TMPRSS15: variants seen among roughly 807,000 people sequenced by gnomAD.
The protein encoded by TMPRSS15 is enteropeptidase.
In TMPRSS15, 128 loss-of-function variants were observed where a neutral mutation model predicts 125.3. The observed-to-expected ratio is 1.02, with a 90% CI of 0.89 to 1.18. The LOEUF (loss-of-function observed/expected upper bound fraction) is 1.18. Ranked by LOEUF, TMPRSS15 falls within the 50% of genes most tolerant of loss-of-function variation. The pLI is 0.00. For missense variants in TMPRSS15, 1,283 were observed against 1,212.7 expected, an observed-to-expected ratio of 1.06 and a Z score of -0.86; for synonymous variants, 446 against 423.2, an observed-to-expected ratio of 1.05 and a Z score of -0.66.
chr21:18,453,165 T>C (rs1978374677), intron 1 of TMPRSS15, among the ~76,000 whole-genome samples: 1 of 152,236 alleles, frequency 6.6e-6, no homozygotes, highest in South Asian at 2.1e-4. Flanking sequence ...TTTTTTGTAT[T>C]GATGTGTCAG....
intron 1 of TMPRSS15, among the ~76,000 whole-genome samples, chr21:18,455,692 A>G (rs1470509198): frequency 6.6e-6 from 1 of 152,192 alleles, no homozygotes; most frequent in Non-Finnish European, 1.5e-5. Context: ...GACCCCCTTG[A>G]GTTCCTCAGC....
chr21:18,299,105 GA>G (rs2074937501), intron 18 of TMPRSS15, among the ~76,000 whole-genome samples: 1 of 152,168 alleles, frequency 6.6e-6, no homozygotes, highest in Non-Finnish European at 1.5e-5. Flanking sequence ...AATAAAGCCT[GA>G]AATGGATTTA....
In TMPRSS15 at chr21:18,472,339, A is replaced by ATT. The variant is rs1485944815; in HGVS notation, c.10+13459_10+13460insAA. 4.6e-5 allele frequency among the ~76,000 whole-genome samples: 7 copies of ATT among 151,964 alleles called. No homozygotes were observed. The East Asian group carries it at 1.4e-3, about 29-fold the overall frequency. On this transcript the variant is annotated intron_variant, in intron 1 of 7. Coordinates refer to the TMPRSS15 transcript ENST00000422787. ...CTGAAATTAAATAAACGTATGTTCT[A>ATT]AAAATGAACTTCTCCCTTTTAGCCT...
At chr21:18,407,410 AC>A (rs2076154778), upstream of TMPRSS15, among the ~76,000 whole-genome samples, 1 of 151,158 alleles carries the variant, frequency 6.6e-6, no homozygotes, top group South Asian at 2.1e-4. Flanking sequence ...ATTGAAAGAA[AC>A]TTTATGTGCT....
chr21:18,274,523 G>T (rs2074597465), intron 24 of TMPRSS15, among the ~76,000 whole-genome samples: 1 of 152,124 alleles, frequency 6.6e-6, no homozygotes. Flanking sequence ...TGTCACACAG[G>T]TCAAGAGCCA....
At chr21:18,394,421 A>G (rs73325930) in intron 3 of TMPRSS15, among the ~76,000 whole-genome samples, 1,526 of 152,280 alleles carry the variant, frequency 0.01, 33 homozygotes, top group African/African-American at 0.035. Context: ...TGAAACAAAA[A>G]AAATGTGTCA....
Position 18,312,927 on chromosome 21 carries a change from C to G in TMPRSS15, c.2165+18G>C. 1 of 1,612,870 alleles carries G rather than the reference C, an allele frequency of 6.2e-7. No homozygotes were observed. Among genetic ancestry groups the G allele is most frequent in the East Asian group, 2.2e-5 (1 of 44,822 alleles). On this transcript the variant is annotated intron_variant, in intron 18 of 24. Coordinates refer to ENST00000284885, the MANE Select transcript of TMPRSS15 (RefSeq NM_002772.3). ...GGTTTGCAAATCTCTTAAAAAGGAA[C>G]TCAGTAGAATTACTTACCCTAGTCC...
intron 1 of TMPRSS15, among the ~76,000 whole-genome samples, chr21:18,459,536 A>G (rs886672232): frequency 2.0e-5 from 3 of 152,168 alleles, no homozygotes; most frequent in Non-Finnish European, 4.4e-5. Context: ...ATCCTCCCAA[A>G]GTGCTGGGAT....
At chr21:18,278,943 T>C in intron 23 of TMPRSS15, 21 bp downstream of exon 23, 1 of 1,006,006 alleles carries the variant, frequency 9.9e-7, no homozygotes, top group Non-Finnish European at 1.5e-6. Context: ...TTTTTTTTTT[T>C]TTTTGAGTCT....
At chr21:18,330,133 C>T (rs1237767784) in intron 14 of TMPRSS15, among the ~76,000 whole-genome samples, 1 of 152,154 alleles carries the variant, frequency 6.6e-6, no homozygotes, top group Non-Finnish European at 1.5e-5. Context: ...GAAACCTCAG[C>T]ACCTTCCTTG....
In TMPRSS15 at chr21:18,329,312, A is replaced by C; in HGVS notation, c.1655-18T>G. ...CCAAACACCTAAAAAGTAAGAAGTA[A>C]CATTTAATTTGGAACACACTTGGTG... On this transcript the variant is annotated intron_variant, in intron 14 of 24. Transcript: ENST00000284885. 10 of 1,604,786 alleles carry C rather than the reference A, an allele frequency of 6.2e-6. No individual in the cohort carries two copies. The highest frequency in any genetic ancestry group is 8.5e-6 in the Non-Finnish European group (10 of 1,174,450).
chr21:18,321,641 T>G (rs2075238699), intron 16 of TMPRSS15, among the ~76,000 whole-genome samples: 1 of 152,268 alleles, frequency 6.6e-6, no homozygotes, highest in African/African-American at 2.4e-5. Context: ...GTGAGCCACG[T>G]GCCCGGCCGC....
chr21:18,334,632 T>C (rs990665707), intron 13 of TMPRSS15, among the ~76,000 whole-genome samples: 1 of 152,236 alleles, frequency 6.6e-6, no homozygotes, highest in Non-Finnish European at 1.5e-5. Context: ...GGGTAATTAC[T>C]ATTATTACTT....
chr21:18,324,332 T>A (rs1037717148), intron 16 of TMPRSS15, among the ~76,000 whole-genome samples: 9 of 152,218 alleles, frequency 5.9e-5, no homozygotes, highest in Admixed American at 2.0e-4. Flanking sequence ...TTCTTCATCA[T>A]GCTTTCCTGC....
At chr21:18,444,131 C>T (rs1324152666) in intron 1 of TMPRSS15, among the ~76,000 whole-genome samples, 2 of 152,144 alleles carry the variant, frequency 1.3e-5, no homozygotes, top group Non-Finnish European at 2.9e-5. Flanking sequence ...CTTCCAGCCT[C>T]GTAGTCCTAC....
chr21:18,299,603 G>A (rs2074943387), intron 18 of TMPRSS15, among the ~76,000 whole-genome samples: 1 of 152,220 alleles, frequency 6.6e-6, no homozygotes, highest in African/African-American at 2.4e-5. Context: ...TCTCCAGCCT[G>A]TCTTCTAGAC....
At chr21:18,335,368 ATAGAG>A (rs1432990230) in intron 13 of TMPRSS15, among the ~76,000 whole-genome samples, 1 of 152,186 alleles carries the variant, frequency 6.6e-6, no homozygotes, top group African/African-American at 2.4e-5. Flanking sequence ...TATATTCCTG[ATAGAG>A]TAAATAGCTG....
At chr21:18,337,619 C>G in intron 13 of TMPRSS15, among the ~76,000 whole-genome samples, 1 of 152,098 alleles carries the variant, frequency 6.6e-6, no homozygotes, top group East Asian at 1.9e-4. Flanking sequence ...TTATGAAAGC[C>G]GAACTTACAT....
rs1428925201 is a variant in TMPRSS15 at position 18,353,967 on chromosome 21, A to G, written c.881-104T>C. 8.5e-5 allele frequency: 91 copies of G among 1,074,896 alleles called. 1 individual carries two copies. In the South Asian group the frequency reaches 9.7e-4, roughly 11 times the overall value. The allele number at this position is 1,074,896 out of a possible 1,614,324, so 66.6% of individuals were successfully genotyped here. A position where few individuals can be genotyped will look rare whatever the true frequency, so the allele number is the denominator to read the frequency against. ...GAACTATCAGTTTGTCAGTTGATCT[A>G]TACAAATATCTATCTGATACCACTT... On this transcript the variant is annotated intron_variant, in intron 8 of 24. Coordinates refer to ENST00000284885, the MANE Select transcript of TMPRSS15 (RefSeq NM_002772.3).
Sources: allele counts gnomAD v4.1 joint callset (sites outside exome capture counted in the v4.1 genomes callset), GRCh38; gene constraint gnomAD v4.1.1; transcripts MANE v1.5; gene names NCBI Gene and HGNC (gene_info 2026-07-23, HGNC 2026-07-21).